FBXL7: variants seen among roughly 807,000 people sequenced by gnomAD.
FBXL7 encodes the protein F-box/LRR-repeat protein 7.
FBXL7 carries 12 observed loss-of-function variants against 38.3 expected under a neutral mutation model. That is an observed-to-expected ratio of 0.31 (90% CI 0.20 to 0.51). The LOEUF is 0.51. Among genes scored for constraint, FBXL7 ranks in the 20% least tolerant of loss-of-function variants. FBXL7 has a pLI of 0.98. For missense variants in FBXL7, 567 were observed against 676.4 expected (o/e 0.84, Z 1.79); for synonymous variants, 297 against 300.9 (o/e 0.99, Z 0.13).
At position 15,879,668 on chromosome 5, in the gene FBXL7, T is replaced by C. The variant is rs564597484; in HGVS notation, c.128-48222T>C. The stretch of plus-strand genomic sequence containing the variant: ...CCTACAAGCCCATGACACTTAAACC[T>C]GTCATAAGGTAGTATCAAATTCATC... On this transcript the variant is annotated intron_variant, in intron 2 of 3. Coordinates refer to ENST00000504595, the MANE Select transcript of FBXL7 (RefSeq NM_012304.5). Among the ~76,000 whole-genome samples the C allele has an allele frequency of 9.9e-5, 15 of 152,282 alleles. 1 individual carries two copies. Among genetic ancestry groups the C allele is most frequent in the African/African-American group, 3.6e-4 (15 of 41,562 alleles).
intron 1 of FBXL7, among the ~76,000 whole-genome samples, chr5:15,522,682 A>T: frequency 6.6e-6 from 1 of 152,206 alleles, no homozygotes; most frequent in East Asian, 1.9e-4. Flanking sequence ...TCTGCTGAGT[A>T]TAGTTTTATG....
intron 2 of FBXL7, among the ~76,000 whole-genome samples, chr5:15,671,680 A>G (rs775376271): frequency 1.3e-4 from 20 of 152,238 alleles, no homozygotes; most frequent in Non-Finnish European, 2.4e-4. Flanking sequence ...GTTATGATCA[A>G]TGACTATGGT....
chr5:15,855,351 A>C (rs896886873), intron 2 of FBXL7, among the ~76,000 whole-genome samples: 1 of 150,178 alleles, frequency 6.7e-6, no homozygotes, highest in African/African-American at 2.5e-5. Flanking sequence ...GTTTTTCTGC[A>C]TATATATATA....
intron 2 of FBXL7, among the ~76,000 whole-genome samples, chr5:15,626,846 C>T (rs1740838456): frequency 1.3e-5 from 2 of 151,954 alleles, no homozygotes; most frequent in Non-Finnish European, 2.9e-5. Flanking sequence ...TGCATCATTC[C>T]TAATTTTTTT....
intron 2 of FBXL7, among the ~76,000 whole-genome samples, chr5:15,766,733 T>C (rs1196897386): frequency 6.6e-6 from 1 of 152,240 alleles, no homozygotes; most frequent in Non-Finnish European, 1.5e-5. Flanking sequence ...TATCTACTTA[T>C]TTTGTCTCAG....
intron 2 of FBXL7, among the ~76,000 whole-genome samples, chr5:15,806,507 A>G (rs1243206766): frequency 2.0e-5 from 3 of 152,140 alleles, no homozygotes; most frequent in Admixed American, 2.0e-4. Context: ...AGTGTATGGG[A>G]AGGCATTTAA....
Position 15,643,618 on chromosome 5 carries a change from G to A in FBXL7, c.127+27546G>A, listed in dbSNP as rs753115304. 3.5e-4 allele frequency among the ~76,000 whole-genome samples: 53 copies of A among 152,122 alleles called. 1 individual carries two copies. Among genetic ancestry groups the A allele is most frequent in the Admixed American group, 2.4e-3 (36 of 15,272 alleles). ...AAGTGTGGAACTTTGAACCATGCTC[G>A]GTCTTCCCTGGATTTAGCAAGAATT... On this transcript the variant is annotated intron_variant, in intron 2 of 3. Transcript: ENST00000504595.
chr5:15,522,114 G>A (rs913786468), intron 1 of FBXL7, among the ~76,000 whole-genome samples: 4 of 152,176 alleles, frequency 2.6e-5, no homozygotes, highest in African/African-American at 9.6e-5. Context: ...TTGTGAATAT[G>A]TTTAAAACTT....
chr5:15,681,306 A>G (rs989580905), intron 2 of FBXL7, among the ~76,000 whole-genome samples: 13 of 152,336 alleles, frequency 8.5e-5, no homozygotes, highest in Non-Finnish European at 1.6e-4. Context: ...TGTCAACAAC[A>G]CAATTGGAAA....
At chr5:15,636,851 G>C (rs1741202063) in intron 2 of FBXL7, among the ~76,000 whole-genome samples, 1 of 152,020 alleles carries the variant, frequency 6.6e-6, no homozygotes, top group Admixed American at 6.6e-5. Flanking sequence ...GGAAAGAATT[G>C]GGAAAATACA....
At chr5:15,564,827 T>C (rs1308016261) in intron 1 of FBXL7, among the ~76,000 whole-genome samples, 1 of 152,218 alleles carries the variant, frequency 6.6e-6, no homozygotes, top group South Asian at 2.1e-4. Context: ...CAAAATGTTA[T>C]GAGGTTTGCT....
chr5:15,737,969 T>C (rs17602477), intron 2 of FBXL7, among the ~76,000 whole-genome samples: 15,954 of 152,174 alleles, frequency 0.1, 870 homozygotes, highest in South Asian at 0.15. Context: ...AAGTTTCCCT[T>C]TTTGTAAAAT....
intron 1 of FBXL7, among the ~76,000 whole-genome samples, chr5:15,579,115 C>T (rs1400510009): frequency 6.6e-6 from 1 of 152,150 alleles, no homozygotes; most frequent in Non-Finnish European, 1.5e-5. Flanking sequence ...TGCCTTTAGA[C>T]TTACAGGTTC....
At chr5:15,548,927 A>G (rs1003966431) in intron 1 of FBXL7, among the ~76,000 whole-genome samples, 1 of 152,210 alleles carries the variant, frequency 6.6e-6, no homozygotes, top group Non-Finnish European at 1.5e-5. Context: ...CTGCACCTGT[A>G]AAGATAAGCT....
intron 2 of FBXL7, among the ~76,000 whole-genome samples, chr5:15,772,529 G>A (rs1701951780): frequency 6.6e-6 from 1 of 152,170 alleles, no homozygotes; most frequent in Non-Finnish European, 1.5e-5. Context: ...TGGAGTCAGA[G>A]GTTTTACAGT....
chr5:15,887,151 T>C (rs1292460219), intron 2 of FBXL7, among the ~76,000 whole-genome samples: 3 of 152,236 alleles, frequency 2.0e-5, no homozygotes, highest in Non-Finnish European at 2.9e-5. Flanking sequence ...GTCAAGGCTA[T>C]GGTTTTGTCC....
At chr5:15,902,164 G>C (rs1741248502) in intron 2 of FBXL7, among the ~76,000 whole-genome samples, 1 of 152,062 alleles carries the variant, frequency 6.6e-6, no homozygotes, top group African/African-American at 2.4e-5. Context: ...TGGTTGTCTT[G>C]CTTCCACATG....
rs1294564920 is a variant in FBXL7 at position 15,928,576 on chromosome 5, C to G, written c.739+75C>G. ...TAAAACAGTGGGGACAGTGCCACCACCGGAGGGTCCTCTTCTTGCAAGCCA... is the reference window on the plus strand; with the variant it reads ...TAAAACAGTGGGGACAGTGCCACCAGCGGAGGGTCCTCTTCTTGCAAGCCA... On this transcript the variant is annotated intron_variant, in intron 3 of 3. Transcript: ENST00000504595. The surrounding 1 kb of genome is among the most constrained non-coding windows in gnomAD (Gnocchi z 4.0). 2.0e-6 allele frequency: 3 copies of G among 1,515,830 alleles called. No individual in the cohort carries two copies. Among genetic ancestry groups the G allele is most frequent in the Non-Finnish European group, 2.7e-6 (3 of 1,131,862 alleles). 93.9% of individuals were successfully genotyped at this position (1,515,830 alleles called of 1,614,324 possible).
At chr5:15,884,099 T>C (rs969216080) in intron 2 of FBXL7, among the ~76,000 whole-genome samples, 1 of 152,142 alleles carries the variant, frequency 6.6e-6, no homozygotes, top group African/African-American at 2.4e-5. Flanking sequence ...ACCAGCAAGG[T>C]AGATTTCATC....
Sources: allele counts gnomAD v4.1 joint callset (sites outside exome capture counted in the v4.1 genomes callset), GRCh38; gene constraint gnomAD v4.1.1; non-coding constraint Gnocchi (gnomAD v3.1); transcripts MANE v1.5; gene names NCBI Gene and HGNC (gene_info 2026-07-23, HGNC 2026-07-21).